Variants in GPR161 observed in about 807,000 individuals in gnomAD.
GPR161 encodes G protein-coupled receptor 161.
In GPR161, 25 loss-of-function variants were observed where a neutral mutation model predicts 39.2. The ratio of observed to expected loss-of-function variants is 0.64; its 90% confidence interval spans 0.47 to 0.89. GPR161 has a LOEUF of 0.89. Among genes scored for constraint, GPR161 ranks in the 40% least tolerant of loss-of-function variants. The probability of loss-of-function intolerance (pLI) is 0.00; values close to 1 mark genes in which losing one functional copy is unlikely to be tolerated. For missense variants in GPR161, 547 were observed against 677.8 expected, an observed-to-expected ratio of 0.81 and a Z score of 2.14; for synonymous variants, 286 against 276.6, an observed-to-expected ratio of 1.03 and a Z score of -0.34.
At chr1:168,087,768 CCT>C (rs1694684289) in intron 4 of GPR161, 64 bp from the exon 5 acceptor site, 2 of 1,490,466 alleles carry the variant, frequency 1.3e-6, no homozygotes, top group East Asian at 4.6e-5. Flanking sequence ...CCTCTTCTCC[CCT>C]CTCAACACCC....
chr1:168,123,881 C>T (rs1698396846), intron 1 of GPR161, among the ~76,000 whole-genome samples: 1 of 152,186 alleles, frequency 6.6e-6, no homozygotes, highest in Non-Finnish European at 1.5e-5. Context: ...GCCCAAGCTA[C>T]CTAATGAACT....
intron 1 of GPR161, among the ~76,000 whole-genome samples, chr1:168,117,285 T>A (rs1053005052): frequency 3.3e-5 from 5 of 152,244 alleles, no homozygotes; most frequent in African/African-American, 1.2e-4. Context: ...ATAATGACAG[T>A]ATTTGCAAAA....
At chr1:168,136,248 G>A (rs1478937773) in intron 1 of GPR161, 1 of 1,349,516 alleles carries the variant, frequency 7.4e-7, no homozygotes, top group Admixed American at 3.3e-5. Flanking sequence ...CTGGGAGAAG[G>A]CTGCTCACCT....
chr1:168,108,485 G>GAAAA (rs1696820684), intron 1 of GPR161, among the ~76,000 whole-genome samples: 1 of 436 alleles, frequency 2.3e-3, no homozygotes, highest in Non-Finnish European at 3.4e-3. Flanking sequence ...GGCCCTAGTT[G>GAAAA]TAAAAAAAAA....
chr1:168,136,849 G>C lies in GPR161; in HGVS notation c.-155C>G. 6.1e-6 allele frequency: 6 copies of C among 983,318 alleles called. No individual in the cohort carries two copies. Among genetic ancestry groups the C allele is most frequent in the Non-Finnish European group, 6.0e-6 (5 of 829,042 alleles). 60.9% of individuals were successfully genotyped at this position (983,318 alleles called of 1,614,324 possible). A position where few individuals can be genotyped will look rare whatever the true frequency, so the allele number is the denominator to read the frequency against. On this transcript the variant is annotated 5_prime_UTR_variant, in exon 1 of 6. Transcript: ENST00000682931. ...GCCGCGCTCCGGGACTGGAGGTTTC[G>C]GGTTTCAGCCCACCGAGCCCCGCTT...
chr1:168,124,355 A>G (rs1698433468), intron 1 of GPR161, among the ~76,000 whole-genome samples: 1 of 152,220 alleles, frequency 6.6e-6, no homozygotes, highest in Non-Finnish European at 1.5e-5. Flanking sequence ...GAGTTTTATT[A>G]ATTCCACCTT....
chr1:168,100,620 C>A (rs1696006775), intron 2 of GPR161, among the ~76,000 whole-genome samples: 1 of 152,234 alleles, frequency 6.6e-6, no homozygotes, highest in Admixed American at 6.5e-5. Flanking sequence ...ACAGCAAGCC[C>A]TGCTCTTAGT....
At chr1:168,102,035 T>G (rs1258304135) in intron 2 of GPR161, among the ~76,000 whole-genome samples, 10 of 152,180 alleles carry the variant, frequency 6.6e-5, no homozygotes, top group African/African-American at 2.4e-4. Flanking sequence ...GCTCCTGACT[T>G]TGGGTGATCC....
In GPR161 at chr1:168,081,927, A is replaced by C. The variant is rs866009800; in HGVS notation, c.*3604T>G. Reference sequence around the variant, plus strand: ...GGCTCAAGGCTGAACACATGTTGTGAATGTATCTTGTGGTCCATCCAGAGA... The same window carrying C: ...GGCTCAAGGCTGAACACATGTTGTGCATGTATCTTGTGGTCCATCCAGAGA... On this transcript the variant is annotated 3_prime_UTR_variant, in exon 6 of 6. Transcript: ENST00000682931. 6.6e-6 allele frequency: 1 copy of C among 152,252 alleles called. No homozygotes were observed. The highest frequency in any genetic ancestry group is 6.5e-5 in the Admixed American group (1 of 15,282). 9.4% of individuals were successfully genotyped at this position (152,252 alleles called of 1,614,324 possible).
In GPR161 at chr1:168,096,876, G is replaced by A; in HGVS notation, c.731C>T (p.Thr244Ile). The A allele has an allele frequency of 6.2e-7, 1 of 1,614,146 alleles. No homozygotes were observed. The highest frequency in any genetic ancestry group is 8.5e-7 in the Non-Finnish European group (1 of 1,180,020). ...AQRTGRKNSS[T>I]STSSSGSRRN... ...CCTGCTGCCTGAAGAGGAGGTGGAG[G>A]TGCTGGAGTTCTTCCTCCCGGTCCT... The change falls in exon 3 of 6, where the codon ACC (threonine) becomes ATC (isoleucine). Residue 244 changes from threonine to isoleucine, a missense_variant. By Grantham distance (89) the Thr-to-Ile change is moderately conservative (BLOSUM62 -1). Coordinates refer to ENST00000682931, the MANE Select transcript of GPR161 (RefSeq NM_001375883.1).
rs373030165 is a variant in GPR161 at position 168,126,829 on chromosome 1, T to C, written c.-45+9910A>G. Among the ~76,000 whole-genome samples the C allele has an allele frequency of 3.9e-5, 6 of 152,190 alleles. No homozygotes were observed. In the East Asian group the frequency reaches 1.2e-3, roughly 29 times the overall value. ...TATGAATGCTTCCTCAGTTTCCCCT[T>C]TGAATTCCCAACAGCACTCTGCATG... is the stretch of plus-strand genomic sequence containing the variant. On this transcript the variant is annotated intron_variant, in intron 1 of 5. Transcript: ENST00000682931.
rs1553260980 is a variant in GPR161 at position 168,096,159 on chromosome 1, AAG to A, written c.1099+347_1099+348del. Among the ~76,000 whole-genome samples the A allele has an allele frequency of 1.7e-3, 229 of 137,056 alleles. 6 individuals carry two copies. Among genetic ancestry groups the A allele is most frequent in the African/African-American group, 7.0e-3 (210 of 30,208 alleles). 89.9% of individuals were successfully genotyped at this position (137,056 alleles called of 152,430 possible). On this transcript the variant is annotated intron_variant, in intron 3 of 5. Transcript: ENST00000682931. ...AAAAAAAAAAAAAAAAAAAAAAAAA[AAG>A]AGAGAGAGAACTAACTATACACACT...
chr1:168,101,810 C>T (rs565827513), intron 2 of GPR161, among the ~76,000 whole-genome samples: 2 of 152,140 alleles, frequency 1.3e-5, no homozygotes, highest in South Asian at 2.1e-4. Context: ...TTTTTCTTTT[C>T]TTTTCTTTTT....
At chr1:168,121,156 T>C (rs1698130490) in intron 1 of GPR161, among the ~76,000 whole-genome samples, 1 of 152,130 alleles carries the variant, frequency 6.6e-6, no homozygotes, top group Non-Finnish European at 1.5e-5. Context: ...CTGTAGCAGA[T>C]GAGGAAACTA....
chr1:168,128,271 C>G (rs1029994682), intron 1 of GPR161, among the ~76,000 whole-genome samples: 1 of 152,092 alleles, frequency 6.6e-6, no homozygotes, highest in Non-Finnish European at 1.5e-5. Flanking sequence ...TAATCAAACC[C>G]ACTCCCTACC....
rs750839126 is a variant in GPR161, at chr1:168,096,799, T to C, written c.808A>G (p.Ile270Val). ...VYSANQCKAL[I>V]TILVVLGAFM... ...GCACCGAGGACCACCAGGATGGTGATGAGGGCTTTGCACTGGTTGGCCGAG... is the reference window on the plus strand; with the variant it reads ...GCACCGAGGACCACCAGGATGGTGACGAGGGCTTTGCACTGGTTGGCCGAG... Residue 270 changes from isoleucine to valine, a missense_variant, in exon 3 of 6, where the codon ATC becomes GTC. Physicochemically the swap from Ile to Val is conservative, Grantham distance 29. Coordinates refer to ENST00000682931, the MANE Select transcript of GPR161 (RefSeq NM_001375883.1). 1.1e-5 allele frequency: 18 copies of C among 1,613,934 alleles called. No individual in the cohort carries two copies. The highest frequency in any genetic ancestry group is 3.3e-4 in the Middle Eastern group (2 of 6,062).
intron 3 of GPR161, among the ~76,000 whole-genome samples, chr1:168,092,175 C>T (rs1413861400): frequency 6.6e-6 from 1 of 152,200 alleles, no homozygotes; most frequent in Non-Finnish European, 1.5e-5. Context: ...AGGCCCCAAT[C>T]CTTTCCCCTG....
chr1:168,112,632 G>T (rs141419481), intron 1 of GPR161, among the ~76,000 whole-genome samples: 1 of 151,956 alleles, frequency 6.6e-6, no homozygotes. Context: ...CGAGGTGGGC[G>T]GATCACTTGA....
At chr1:168,106,376 C>T (rs545179056) in intron 1 of GPR161, among the ~76,000 whole-genome samples, 173 of 152,312 alleles carry the variant, frequency 1.1e-3, no homozygotes, top group African/African-American at 4.0e-3. Flanking sequence ...TGCTTGAGCT[C>T]AGGAGTTTGA....
Sources: gnomAD v4.1 joint callset for allele counts (sites outside exome capture counted in the v4.1 genomes callset) on GRCh38, gnomAD v4.1.1 for gene constraint, MANE v1.5 for transcripts, NCBI Gene and HGNC (gene_info 2026-07-23, HGNC 2026-07-21) for gene names.